The following TBC1D5 variants were observed in gnomAD, a reference collection of about 807,000 sequenced individuals.
TBC1D5 encodes TBC1 domain family member 5.
Under a neutral mutation model 100.3 loss-of-function variants are expected in TBC1D5, and 75 were observed. The ratio of observed to expected loss-of-function variants is 0.75; its 90% confidence interval spans 0.62 to 0.91. The LOEUF (loss-of-function observed/expected upper bound fraction) is 0.91, where lower values mean the gene tolerates loss of function less well. TBC1D5 is among the 40% of genes least tolerant of loss of function. The pLI, the probability that TBC1D5 is intolerant of heterozygous loss-of-function variation, is 0.00. For missense variants in TBC1D5, 910 were observed against 942.4 expected, an observed-to-expected ratio of 0.97 and a Z score of 0.45; for synonymous variants, 323 against 325.6, an observed-to-expected ratio of 0.99 and a Z score of 0.09.
chr3:17,389,837 T>G (rs1469206741), intron 8 of TBC1D5, among the ~76,000 whole-genome samples: 1 of 152,154 alleles, frequency 6.6e-6, no homozygotes, highest in East Asian at 1.9e-4. Flanking sequence ...CTTTCTGTGA[T>G]GCTACCAACT....
intron 13 of TBC1D5, among the ~76,000 whole-genome samples, chr3:17,325,858 T>C (rs2086055085): frequency 6.6e-6 from 1 of 152,164 alleles, no homozygotes; most frequent in African/African-American, 2.4e-5. Flanking sequence ...TGCCAAACTA[T>C]ATTTCGATAA....
At position 17,463,943 on chromosome 3, in the gene TBC1D5, CTTTTTTTTTT is replaced by C. The variant is rs1025162858; in HGVS notation, c.98-35434_98-35425del. ...CAATCAATACTAGCATTCCTTATTC[CTTTTTTTTTT>C]TTTTTTTTTTTTTTTGAGACGGTGT... On this transcript the variant is annotated intron_variant, in intron 3 of 21. Coordinates refer to ENST00000253692, the Ensembl canonical transcript of TBC1D5. 1.6e-4 allele frequency among the ~76,000 whole-genome samples: 14 copies of C among 87,530 alleles called. No homozygotes were observed. In the South Asian group the frequency reaches 4.3e-3, roughly 27 times the overall value. The allele number at this position is 87,530 out of a possible 152,430, so 57.4% of individuals were successfully genotyped here.
At chr3:17,433,745 A>C (rs966071135) in intron 3 of TBC1D5, among the ~76,000 whole-genome samples, 1 of 152,132 alleles carries the variant, frequency 6.6e-6, no homozygotes, top group Admixed American at 6.5e-5. Flanking sequence ...TTAACCCAAA[A>C]GTCCAAGTCC....
intron 3 of TBC1D5, among the ~76,000 whole-genome samples, chr3:17,451,674 A>G (rs1041592092): frequency 6.6e-6 from 1 of 152,218 alleles, no homozygotes; most frequent in African/African-American, 2.4e-5. Flanking sequence ...CCTAATGTGG[A>G]TGACGGGTTA....
exon 17 of TBC1D5, chr3:17,238,287 A>T: frequency 6.2e-7 from 1 of 1,614,044 alleles, no homozygotes; most frequent in Non-Finnish European, 8.5e-7. Context: ...AGGAGGAGCT[A>T]CTGCTGTTGC....
At chr3:17,481,650 C>T (rs2095503670) in intron 3 of TBC1D5, among the ~76,000 whole-genome samples, 1 of 152,222 alleles carries the variant, frequency 6.6e-6, no homozygotes, top group East Asian at 1.9e-4. Flanking sequence ...TGCCACTCTT[C>T]GTAAGAATAA....
In TBC1D5 at chr3:17,187,013, G is replaced by T. The variant is rs367779632; in HGVS notation, c.1753-1805C>A. ...GTAGACAAGGATGGGGCATTTCAGG[G>T]CTTTTTTTCTACTCTTTTTCTCACT... On this transcript the variant is annotated intron_variant, in intron 18 of 21. Transcript: ENST00000253692. Among the ~76,000 whole-genome samples the T allele has an allele frequency of 3.2e-4, 49 of 152,176 alleles. No homozygotes were observed. The South Asian group carries it at 9.1e-3, about 28-fold the overall frequency.
chr3:17,655,051 TTTC>T (rs1461812580), intron 1 of TBC1D5, among the ~76,000 whole-genome samples: 6 of 151,702 alleles, frequency 4.0e-5, no homozygotes, highest in African/African-American at 1.5e-4. Context: ...TCTTCTCTCT[TTTC>T]TTCTTTATTA....
chr3:17,292,056 T>G (rs2081816161), intron 14 of TBC1D5, 55 bp from the exon 15 acceptor site: 12 of 1,417,008 alleles, frequency 8.5e-6, no homozygotes, highest in Middle Eastern at 3.6e-4. Flanking sequence ...TATTCTGCAT[T>G]GCTGAGAATA....
intron 13 of TBC1D5, among the ~76,000 whole-genome samples, chr3:17,332,167 T>A (rs564809690): frequency 2.6e-5 from 4 of 152,104 alleles, no homozygotes; most frequent in Non-Finnish European, 1.5e-5. Flanking sequence ...AAGAGTGAAG[T>A]GGCCTGGTGG....
chr3:17,289,075 G>A (rs1269800299), intron 15 of TBC1D5, among the ~76,000 whole-genome samples: 1 of 152,228 alleles, frequency 6.6e-6, no homozygotes, highest in Admixed American at 6.5e-5. Flanking sequence ...GGGCACCACT[G>A]TGTTCCCCTT....
intron 3 of TBC1D5, among the ~76,000 whole-genome samples, chr3:17,496,018 T>TA (rs1321208196): frequency 6.6e-6 from 1 of 152,228 alleles, no homozygotes; most frequent in African/African-American, 2.4e-5. Context: ...ATGTTTTAGT[T>TA]ACATTCTTGC....
chr3:17,541,393 T>A (rs553408769), intron 2 of TBC1D5, among the ~76,000 whole-genome samples: 3 of 152,324 alleles, frequency 2.0e-5, no homozygotes, highest in African/African-American at 7.2e-5. Context: ...TTTTTATGGT[T>A]TTCATTTTAT....
intron 18 of TBC1D5, among the ~76,000 whole-genome samples, chr3:17,209,410 C>G (rs1314931789): frequency 6.6e-6 from 1 of 152,214 alleles, no homozygotes; most frequent in Non-Finnish European, 1.5e-5. Context: ...CTCAGCCTCC[C>G]TAAGTGTTGG....
At chr3:17,658,450 T>A (rs1301423002) in intron 1 of TBC1D5, among the ~76,000 whole-genome samples, 1 of 151,978 alleles carries the variant, frequency 6.6e-6, no homozygotes, top group Admixed American at 6.5e-5. Context: ...AAAAATCTCA[T>A]GAGATGAAGC....
intron 2 of TBC1D5, among the ~76,000 whole-genome samples, chr3:17,598,608 GAA>G (rs2060728604): frequency 6.6e-6 from 1 of 151,932 alleles, no homozygotes; most frequent in Non-Finnish European, 1.5e-5. Context: ...ACTGCAAAAA[GAA>G]AAACTCAAAC....
chr3:17,528,104 G>C (rs2096163579), intron 2 of TBC1D5, among the ~76,000 whole-genome samples: 1 of 152,024 alleles, frequency 6.6e-6, no homozygotes, highest in African/African-American at 2.4e-5. Context: ...CTGTCGCCCA[G>C]GCCAGAGTGC....
chr3:17,256,948 C>A (rs1431148414), intron 16 of TBC1D5, among the ~76,000 whole-genome samples: 2 of 151,978 alleles, frequency 1.3e-5, no homozygotes, highest in Non-Finnish European at 2.9e-5. Flanking sequence ...GTTAGGTGCA[C>A]AGGCCCTAAG....
chr3:17,673,976 C>T (rs145735212), intron 1 of TBC1D5, among the ~76,000 whole-genome samples: 127 of 152,282 alleles, frequency 8.3e-4, no homozygotes, highest in African/African-American at 2.9e-3. Context: ...GCTATGAGAA[C>T]AAACAGGCTT....
Sources: allele counts gnomAD v4.1 joint callset (sites outside exome capture counted in the v4.1 genomes callset), GRCh38; gene constraint gnomAD v4.1.1; transcripts MANE v1.5; gene names NCBI Gene and HGNC (gene_info 2026-07-23, HGNC 2026-07-21).